The following CREB5 variants were observed in gnomAD, a reference collection of about 807,000 sequenced individuals.
CREB5 encodes cAMP responsive element binding protein 5, also known as cyclic AMP-responsive element-binding protein 5.
Under a neutral mutation model 57.1 loss-of-function variants are expected in CREB5, and 19 were observed. The observed-to-expected ratio is 0.33, with a 90% CI of 0.23 to 0.49. CREB5 has a LOEUF of 0.49. Among genes scored for constraint, CREB5 ranks in the 20% least tolerant of loss-of-function variants. The pLI is 0.99. For missense variants in CREB5, 579 were observed against 671.6 expected (o/e 0.86, Z 1.52); for synonymous variants, 238 against 238.3 (o/e 1.00, Z 0.01).
intron 4 of CREB5, among the ~76,000 whole-genome samples, chr7:28,517,426 C>CACGTTGGCTGTCAACTCAAACCTGTGGT (rs1311414270): frequency 2.0e-5 from 3 of 152,202 alleles, no homozygotes; most frequent in African/African-American, 7.2e-5. Flanking sequence ...GCATTTCCAG[C>CACGTTGGCTGTCAACTCAAACCTGTGGT]ACGTTGGCTG....
intron 1 of CREB5, among the ~76,000 whole-genome samples, chr7:28,455,988 A>G (rs996694627): frequency 1.3e-5 from 2 of 152,216 alleles, no homozygotes; most frequent in Non-Finnish European, 1.5e-5. Context: ...GACCTGATCA[A>G]CTTTTAACCT....
chr7:28,777,215 T>C (rs1049096104), intron 7 of CREB5, among the ~76,000 whole-genome samples: 62 of 152,222 alleles, frequency 4.1e-4, no homozygotes, highest in African/African-American at 1.5e-3. Flanking sequence ...GTCTTCATTG[T>C]GGTCCTCAAT....
intron 5 of CREB5, among the ~76,000 whole-genome samples, chr7:28,648,438 G>A (rs1468969834): frequency 2.0e-5 from 3 of 152,104 alleles, no homozygotes. Context: ...AAGAGGAATA[G>A]GAAGATGATA....
intron 4 of CREB5, among the ~76,000 whole-genome samples, chr7:28,514,499 C>T (rs1792855559): frequency 1.3e-5 from 2 of 152,160 alleles, no homozygotes; most frequent in Non-Finnish European, 2.9e-5. Flanking sequence ...GGGTTCACGC[C>T]ATTCTCCTGC....
intron 7 of CREB5, among the ~76,000 whole-genome samples, chr7:28,794,437 C>T (rs1034060963): frequency 6.6e-6 from 1 of 152,212 alleles, no homozygotes; most frequent in Non-Finnish European, 1.5e-5. Flanking sequence ...GGCTGGCAAT[C>T]AACAAATATT....
Position 28,575,393 on chromosome 7 carries a change from C to T in CREB5, c.464+4856C>T, listed in dbSNP as rs79720284. 2.9e-3 allele frequency among the ~76,000 whole-genome samples: 437 copies of T among 152,260 alleles called. 3 individuals are homozygous for T. The highest frequency in any genetic ancestry group is 9.9e-3 in the African/African-American group (410 of 41,540). ...ATGATGCCATCACTGAAGGTCATGG[C>T]TTAAAGAAGACCTAAATGACAAAGC... is the stretch of plus-strand genomic sequence containing the variant. On this transcript the variant is annotated intron_variant, in intron 5 of 10. Transcript: ENST00000357727.
intron 5 of CREB5, among the ~76,000 whole-genome samples, chr7:28,710,359 T>C (rs1243601133): frequency 6.6e-6 from 1 of 152,222 alleles, no homozygotes; most frequent in African/African-American, 2.4e-5. Flanking sequence ...AAGACATATT[T>C]ATTAAGCACC....
chr7:28,417,015 C>T (rs946261834), intron 1 of CREB5, among the ~76,000 whole-genome samples: 2 of 152,110 alleles, frequency 1.3e-5, no homozygotes, highest in African/African-American at 2.4e-5. Flanking sequence ...AAGCTCTGTC[C>T]ATTCGTGGCT....
In CREB5 at chr7:28,819,178, C is replaced by T; in HGVS notation, c.1426C>T (p.His476Tyr). 6.2e-7 allele frequency: 1 copy of T among 1,613,922 alleles called. No individual in the cohort carries two copies. The highest frequency in any genetic ancestry group is 8.5e-7 in the Non-Finnish European group (1 of 1,179,900). ...PACSQQQVIQHNTITTSSSVS... is the reference protein window; with the variant it reads ...PACSQQQVIQYNTITTSSSVS... ...TTGCTCCCAGCAACAAGTCATCCAG[C>T]ATAATACCATCACTACTTCCTCATC... Residue 476 changes from histidine (H) to tyrosine (Y), a missense_variant, in exon 11 of 11, where the codon CAT (histidine) becomes TAT (tyrosine). His to Tyr is a moderately conservative substitution (Grantham distance 83, BLOSUM62 2). This residue lies in a region of CREB5 where 114 missense variants were observed against 130.8 expected (regional missense o/e 0.87). Transcript: ENST00000357727.
At chr7:28,526,155 T>C (rs957274657) in intron 4 of CREB5, among the ~76,000 whole-genome samples, 2 of 152,206 alleles carry the variant, frequency 1.3e-5, no homozygotes, top group African/African-American at 4.8e-5. Flanking sequence ...AAAGCCTTAG[T>C]CAAAACTCAG....
intron 5 of CREB5, among the ~76,000 whole-genome samples, chr7:28,692,028 A>C (rs1801294538): frequency 7.4e-6 from 1 of 135,656 alleles, no homozygotes; most frequent in Non-Finnish European, 1.7e-5. Context: ...AAAAAAAAAA[A>C]ACAACAAATT....
chr7:28,667,200 T>G (rs1047729916), intron 5 of CREB5, among the ~76,000 whole-genome samples: 2 of 151,596 alleles, frequency 1.3e-5, no homozygotes, highest in African/African-American at 4.9e-5. Context: ...GTGGGGCTGT[T>G]GAATCCCACT....
At chr7:28,628,070 G>T (rs1004609311) in intron 5 of CREB5, among the ~76,000 whole-genome samples, 32 of 152,102 alleles carry the variant, frequency 2.1e-4, no homozygotes, top group East Asian at 1.9e-4. Flanking sequence ...TCAGTGAAGG[G>T]ATTTCTCTTA....
At chr7:28,596,782 T>A (rs549127032) in intron 5 of CREB5, among the ~76,000 whole-genome samples, 3 of 152,220 alleles carry the variant, frequency 2.0e-5, no homozygotes, top group African/African-American at 7.2e-5. Context: ...ATAATACATA[T>A]GTAAATTAGT....
At chr7:28,686,077 A>G (rs922247008) in intron 5 of CREB5, 17 of 1,550,734 alleles carry the variant, frequency 1.1e-5, no homozygotes, top group Non-Finnish European at 1.5e-5. Context: ...CTGGAATCAA[A>G]TGGGAAGGAT....
At chr7:28,348,269 G>A (rs193182639) in intron 1 of CREB5, among the ~76,000 whole-genome samples, 27 of 152,240 alleles carry the variant, frequency 1.8e-4, no homozygotes, top group Admixed American at 3.3e-4. Context: ...AACTGAGTCT[G>A]CATCTCATCG....
At chr7:28,433,483 T>C (rs958240895) in intron 1 of CREB5, among the ~76,000 whole-genome samples, 7 of 152,156 alleles carry the variant, frequency 4.6e-5, no homozygotes, top group Non-Finnish European at 7.4e-5. Flanking sequence ...AGTATTAATA[T>C]TTTGCCTATC....
intron 5 of CREB5, among the ~76,000 whole-genome samples, chr7:28,579,619 G>T (rs1468417619): frequency 1.3e-5 from 2 of 152,166 alleles, no homozygotes; most frequent in African/African-American, 4.8e-5. Flanking sequence ...TCTTTGAAAT[G>T]CTAGAAATGA....
At chr7:28,727,144 T>C (rs184382449) in intron 7 of CREB5, among the ~76,000 whole-genome samples, 2 of 151,952 alleles carry the variant, frequency 1.3e-5, no homozygotes, top group African/African-American at 2.4e-5. Context: ...TTAGTATCAA[T>C]GTACTGTAGC....
Sources: allele counts gnomAD v4.1 joint callset (sites outside exome capture counted in the v4.1 genomes callset), GRCh38; gene constraint gnomAD v4.1.1; regional missense constraint gnomAD v4.1.1; transcripts MANE v1.5; gene names NCBI Gene and HGNC (gene_info 2026-07-23, HGNC 2026-07-21).